Variants in PCDHGA5 observed in about 807,000 individuals in gnomAD.
The protein encoded by PCDHGA5 is protocadherin gamma-A5.
A neutral mutation model predicts 56.7 loss-of-function variants in PCDHGA5; 36 were observed. That is an observed-to-expected ratio of 0.64 (90% CI 0.49 to 0.84). The LOEUF (loss-of-function observed/expected upper bound fraction) is 0.84, where lower values mean the gene tolerates loss of function less well. PCDHGA5 is among the 40% of genes least tolerant of loss of function. PCDHGA5 has a pLI of 0.00. For missense variants in PCDHGA5, 1,305 were observed against 1,201.5 expected, an observed-to-expected ratio of 1.09 and a Z score of -1.27; for synonymous variants, 563 against 520.2, an observed-to-expected ratio of 1.08 and a Z score of -1.12.
At chr5:141,506,119 G>T (rs1171566108) in intron 3 of PCDHGA5, among the ~76,000 whole-genome samples, 1 of 152,106 alleles carries the variant, frequency 6.6e-6, no homozygotes, top group African/African-American at 2.4e-5. Context: ...AGTCACTAGG[G>T]CCCAGAGCAG....
intron 1 of PCDHGA5, among the ~76,000 whole-genome samples, chr5:141,380,132 T>A (rs552082658): frequency 4.4e-4 from 67 of 152,174 alleles, no homozygotes; most frequent in African/African-American, 1.6e-3. Context: ...ACTCCTGACC[T>A]TAAGTGATCC....
In PCDHGA5 at chr5:141,445,037, GT is replaced by G. The variant is rs2098454887; in HGVS notation, c.2422-49766del. 5.3e-5 allele frequency among the ~76,000 whole-genome samples: 8 copies of G among 152,072 alleles called. No homozygotes were observed. In the South Asian group the frequency reaches 1.7e-3, roughly 32 times the overall value. On this transcript the variant is annotated intron_variant, in intron 1 of 3. Transcript: ENST00000518069. ...TAATTTCTCTCAGCTATGTTGTATAGTTTTCAGTGTAGAGAGGTCATGTATA... is the reference window on the plus strand; with the variant it reads ...TAATTTCTCTCAGCTATGTTGTATAGTTTCAGTGTAGAGAGGTCATGTATA...
At chr5:141,444,434 G>A (rs761353277) in intron 1 of PCDHGA5, among the ~76,000 whole-genome samples, 16 of 152,196 alleles carry the variant, frequency 1.1e-4, no homozygotes, top group Admixed American at 7.2e-4. Flanking sequence ...GCCTCCCAAA[G>A]TGCTGGGATT....
intron 1 of PCDHGA5, chr5:141,374,160 C>A: frequency 6.2e-7 from 1 of 1,612,164 alleles, no homozygotes; most frequent in Middle Eastern, 1.7e-4. Flanking sequence ...CTGTGGGGGG[C>A]CGCGGCAGCG....
At chr5:141,475,448 G>C (rs774710049) in intron 1 of PCDHGA5, among the ~76,000 whole-genome samples, 1 of 152,214 alleles carries the variant, frequency 6.6e-6, no homozygotes, top group African/African-American at 2.4e-5. Context: ...CAGATAATGA[G>C]GAAGTGACAG....
At chr5:141,394,847 G>T in intron 1 of PCDHGA5, 1 of 1,613,848 alleles carries the variant, frequency 6.2e-7, no homozygotes, top group South Asian at 1.1e-5. Context: ...TGGGCAGTCT[G>T]AAGCCTTCGG....
At chr5:141,413,336 A>G (rs1561741680) in intron 1 of PCDHGA5, 1 of 1,613,972 alleles carries the variant, frequency 6.2e-7, no homozygotes, top group Non-Finnish European at 8.5e-7. Flanking sequence ...AACATCTCCA[A>G]GGACTTGGGT....
intron 1 of PCDHGA5, chr5:141,394,466 C>T (rs765078363): frequency 1.2e-6 from 2 of 1,614,222 alleles, no homozygotes; most frequent in Non-Finnish European, 8.5e-7. Flanking sequence ...TGAGCCTGTT[C>T]GTGCTGGACC....
rs184178455 is a variant in PCDHGA5 at position 141,428,574 on chromosome 5, T to C, written c.2421+61823T>C. ...CAGTCCCCCCACAAGATCTTTCTAA[T>C]GAAGTTTCTCTGGTAGCAAGCTTCA... is the stretch of plus-strand genomic sequence containing the variant. On this transcript the variant is annotated intron_variant, in intron 1 of 3. Transcript: ENST00000518069. 1.8e-3 allele frequency: 416 copies of C among 229,070 alleles called. 3 individuals are homozygous for C. The highest frequency in any genetic ancestry group is 2.8e-3 in the Non-Finnish European group (314 of 113,918). The allele number at this position is 229,070 out of a possible 1,614,324, so 14.2% of individuals were successfully genotyped here. A position where few individuals can be genotyped will look rare whatever the true frequency, so the allele number is the denominator to read the frequency against.
chr5:141,410,437 G>C, intron 1 of PCDHGA5: 1 of 1,614,040 alleles, frequency 6.2e-7, no homozygotes, highest in Non-Finnish European at 8.5e-7. Context: ...ACTACAGTGA[G>C]GGGACTTTGC....
At chr5:141,388,703 C>T in intron 1 of PCDHGA5, 1 of 1,613,982 alleles carries the variant, frequency 6.2e-7, no homozygotes, top group Non-Finnish European at 8.5e-7. Context: ...ATGAGGGTGT[C>T]AATGCCGAGA....
chr5:141,399,590 T>G, intron 1 of PCDHGA5: 1 of 1,613,972 alleles, frequency 6.2e-7, no homozygotes, highest in East Asian at 2.2e-5. Context: ...TACTCTATCA[T>G]GGCCAGCGAC....
chr5:141,460,649 A>G (rs1171722531), intron 1 of PCDHGA5, among the ~76,000 whole-genome samples: 2 of 152,152 alleles, frequency 1.3e-5, no homozygotes, highest in Non-Finnish European at 2.9e-5. Flanking sequence ...GTGTTTACAC[A>G]TATGTAACTG....
chr5:141,485,033 T>C lies in PCDHGA5; in HGVS notation c.2422-9774T>C. 1 of 689,352 alleles carries C rather than the reference T, an allele frequency of 1.5e-6. No homozygotes were observed. The highest frequency in any genetic ancestry group is 2.5e-6 in the Non-Finnish European group (1 of 392,590). The allele number at this position is 689,352 out of a possible 1,614,324, so 42.7% of individuals were successfully genotyped here. On this transcript the variant is annotated intron_variant, in intron 1 of 3. Coordinates refer to ENST00000518069, the MANE Select transcript of PCDHGA5 (RefSeq NM_018918.3). This position sits in a 1 kb window ranked among gnomAD's most constrained non-coding sequence, Gnocchi z 5.7. ...CCCCGCCACCAGCAAAAACGGCGCG[T>C]AACCCTTGCGGCGCCGGCCGAACCG...
intron 1 of PCDHGA5, among the ~76,000 whole-genome samples, chr5:141,402,436 A>G (rs1441746239): frequency 2.6e-5 from 4 of 152,178 alleles, no homozygotes; most frequent in African/African-American, 9.6e-5. Flanking sequence ...GCATCATAAA[A>G]AGGAAATTAT....
At chr5:141,436,074 G>A (rs1048063491) in intron 1 of PCDHGA5, among the ~76,000 whole-genome samples, 3 of 152,058 alleles carry the variant, frequency 2.0e-5, no homozygotes, top group Non-Finnish European at 4.4e-5. Context: ...TAAGTACAGT[G>A]TTCTATAGGT....
chr5:141,415,606 G>A lies in PCDHGA5; in HGVS notation c.2421+48855G>A. On this transcript the variant is annotated intron_variant, in intron 1 of 3. Transcript: ENST00000518069. ...GTTTCCTATAGAGGATACCCCATTG[G>A]TTCCAGTGAGTTTTATTTTCATTTT... The A allele has an allele frequency of 1.2e-6, 2 of 1,612,910 alleles. 1 individual carries two copies. Among genetic ancestry groups the A allele is most frequent in the East Asian group, 4.5e-5 (2 of 44,866 alleles).
chr5:141,372,804 CA>C lies in PCDHGA5; in HGVS notation c.2421+6057del. The C allele has an allele frequency of 2.5e-6, 4 of 1,592,244 alleles. No homozygotes were observed. In the Middle Eastern group the frequency reaches 6.7e-4, roughly 266 times the overall value. On this transcript the variant is annotated intron_variant, in intron 1 of 3. Coordinates refer to ENST00000518069, the MANE Select transcript of PCDHGA5 (RefSeq NM_018918.3). ...AATGCCTTCTAATTCAGGCAATTTG[CA>C]AAAGGTGAGTTTCTTCAAACCTTTC...
At chr5:141,422,872 C>T (rs773469060) in intron 1 of PCDHGA5, 19 of 1,614,134 alleles carry the variant, frequency 1.2e-5, no homozygotes, top group African/African-American at 2.7e-5. Flanking sequence ...CAACGTGTCG[C>T]TGAGCCTGTT....
Sources: allele counts gnomAD v4.1 joint callset (sites outside exome capture counted in the v4.1 genomes callset), GRCh38; gene constraint gnomAD v4.1.1; non-coding constraint Gnocchi (gnomAD v3.1); transcripts MANE v1.5; gene names NCBI Gene and HGNC (gene_info 2026-07-23, HGNC 2026-07-21).